Variants in MYO5B observed in about 807,000 individuals in gnomAD.
MYO5B encodes the protein unconventional myosin-Vb.
In MYO5B, 143 loss-of-function variants were observed where a neutral mutation model predicts 229.3. The ratio of observed to expected loss-of-function variants is 0.62; its 90% CI spans 0.54 to 0.72. MYO5B has a LOEUF of 0.72. Among genes scored for constraint, MYO5B ranks in the 30% least tolerant of loss-of-function variants. The pLI is 0.00. For missense variants in MYO5B, 2,321 were observed against 2,331.0 expected, an observed-to-expected ratio of 1.00 and a Z score of 0.09; for synonymous variants, 918 against 885.2, an observed-to-expected ratio of 1.04 and a Z score of -0.66.
At chr18:49,985,219 G>A (rs918811740) in intron 7 of MYO5B, among the ~76,000 whole-genome samples, 3 of 152,146 alleles carry the variant, frequency 2.0e-5, no homozygotes, top group African/African-American at 7.2e-5. Flanking sequence ...ATCTCAGTCC[G>A]ACAAGCTCAT....
At chr18:50,194,722 C>G (rs1036014613) in intron 1 of MYO5B, 45 bp downstream of exon 1, 3 of 1,373,306 alleles carry the variant, frequency 2.2e-6, no homozygotes, top group African/African-American at 3.0e-5. Context: ...TGGCCCCGAG[C>G]GCGCCACCCC....
At chr18:50,062,289 G>A (rs2030706268) in intron 1 of MYO5B, among the ~76,000 whole-genome samples, 1 of 152,204 alleles carries the variant, frequency 6.6e-6, no homozygotes, top group African/African-American at 2.4e-5. Flanking sequence ...CGGAAGCAGG[G>A]CAGTCTGGGC....
At chr18:50,054,698 T>C (rs571546294) in intron 2 of MYO5B, among the ~76,000 whole-genome samples, 1 of 152,292 alleles carries the variant, frequency 6.6e-6, no homozygotes, top group East Asian at 1.9e-4. Flanking sequence ...AAATAAAAAA[T>C]GCTCACTACA....
At chr18:50,104,288 A>ATATATATATATATATATATATATATC (rs1031683380) in intron 1 of MYO5B, among the ~76,000 whole-genome samples, 1 of 144,750 alleles carries the variant, frequency 6.9e-6, no homozygotes, top group African/African-American at 2.6e-5. Context: ...ATATATATAT[A>ATATATATATATATATATATATATATC]TATCTCATAA....
intron 4 of MYO5B, among the ~76,000 whole-genome samples, chr18:50,001,950 C>T (rs1358907912): frequency 2.7e-5 from 4 of 150,204 alleles, no homozygotes; most frequent in East Asian, 2.0e-4. Flanking sequence ...GCAGAAGGAT[C>T]GCTTGAACCG....
At chr18:49,874,265 A>C (rs1436095041) in intron 26 of MYO5B, among the ~76,000 whole-genome samples, 1 of 152,226 alleles carries the variant, frequency 6.6e-6, no homozygotes, top group Non-Finnish European at 1.5e-5. Context: ...TATCCAGAGA[A>C]GTTCTAAAGC....
At chr18:49,929,317 G>C (rs1056007489) in intron 17 of MYO5B, among the ~76,000 whole-genome samples, 195 bp downstream of exon 17, 1 of 152,166 alleles carries the variant, frequency 6.6e-6, no homozygotes, top group Non-Finnish European at 1.5e-5. Context: ...AAGAGGATGT[G>C]ACTGCTAACC....
intron 1 of MYO5B, among the ~76,000 whole-genome samples, chr18:50,077,820 C>T (rs1289867481): frequency 6.6e-6 from 1 of 152,186 alleles, no homozygotes; most frequent in Non-Finnish European, 1.5e-5. Flanking sequence ...AACCCAGGGA[C>T]AAGACACCCT....
At chr18:50,059,436 A>G (rs2030633239) in intron 1 of MYO5B, among the ~76,000 whole-genome samples, 1 of 152,226 alleles carries the variant, frequency 6.6e-6, no homozygotes, top group Non-Finnish European at 1.5e-5. Flanking sequence ...GAGAGAGGGG[A>G]AAACAAGTTA....
chr18:49,854,715 C>T (rs1221624929), intron 30 of MYO5B, among the ~76,000 whole-genome samples: 36 of 152,206 alleles, frequency 2.4e-4, no homozygotes. Flanking sequence ...GCCTCTAACA[C>T]AGCTGTTGGA....
chr18:49,860,907 G>A (rs570254115), intron 29 of MYO5B, among the ~76,000 whole-genome samples: 29 of 152,362 alleles, frequency 1.9e-4, no homozygotes, highest in Non-Finnish European at 3.8e-4. Flanking sequence ...TGGCCCTCAT[G>A]GTAATGGGAA....
At chr18:50,027,486 G>A (rs1406651424) in intron 4 of MYO5B, among the ~76,000 whole-genome samples, 2 of 152,170 alleles carry the variant, frequency 1.3e-5, no homozygotes, top group South Asian at 2.1e-4. Flanking sequence ...TTAAGTGAAG[G>A]AGCTTGACCC....
At chr18:49,993,539 T>C (rs918281505) in intron 5 of MYO5B, among the ~76,000 whole-genome samples, 8 of 152,150 alleles carry the variant, frequency 5.3e-5, no homozygotes, top group Non-Finnish European at 7.3e-5. Context: ...CGCTGAGTTA[T>C]ACAACCACCC....
chr18:50,188,785 T>TTAA (rs2033185496), intron 1 of MYO5B, among the ~76,000 whole-genome samples: 1 of 105,100 alleles, frequency 9.5e-6, no homozygotes, highest in Non-Finnish European at 1.9e-5. Context: ...GACTCTGTCA[T>TTAA]AAAAAAAAAA....
At chr18:50,173,980 G>T (rs573593999) in intron 1 of MYO5B, among the ~76,000 whole-genome samples, 11 of 152,130 alleles carry the variant, frequency 7.2e-5, no homozygotes, top group Non-Finnish European at 1.6e-4. Context: ...ATTGGCATTG[G>T]AATCAGACTG....
In MYO5B at chr18:49,980,377, T is replaced by C; in HGVS notation, c.1056+67A>G. The stretch of plus-strand genomic sequence containing the variant: ...AGTGTCCTCTAACTGGAAAGACACA[T>C]TTCAGTCATATCAAAGAACAGGGTA... On this transcript the variant is annotated intron_variant, in intron 9 of 39. Transcript: ENST00000285039. 4 of 1,127,720 alleles carry C rather than the reference T, an allele frequency of 3.5e-6. No homozygotes were observed. In the South Asian group the frequency reaches 3.7e-5, roughly 10 times the overall value. The allele number at this position is 1,127,720 out of a possible 1,614,324, so 69.9% of individuals were successfully genotyped here.
At chr18:50,094,592 T>TG (rs1476308947) in intron 1 of MYO5B, among the ~76,000 whole-genome samples, 6 of 152,090 alleles carry the variant, frequency 3.9e-5, no homozygotes, top group African/African-American at 1.2e-4. Context: ...AAATGACCCT[T>TG]GAGCTACACT....
chr18:50,145,964 T>G (rs1488341954), intron 1 of MYO5B, among the ~76,000 whole-genome samples: 1 of 152,220 alleles, frequency 6.6e-6, no homozygotes, highest in Admixed American at 6.5e-5. Context: ...CATTTCGAAG[T>G]ATTTGTTTTA....
At chr18:49,963,115 T>C (rs1409763560) in intron 10 of MYO5B, 85 bp from the exon 11 acceptor site, 25 of 1,040,190 alleles carry the variant, frequency 2.4e-5, no homozygotes, top group Non-Finnish European at 3.5e-5. Context: ...CTGACCCAGG[T>C]CTCCCCCGAT....
Sources: gnomAD v4.1 joint callset for allele counts (sites outside exome capture counted in the v4.1 genomes callset) on GRCh38, gnomAD v4.1.1 for gene constraint, MANE v1.5 for transcripts, NCBI Gene and HGNC (gene_info 2026-07-23, HGNC 2026-07-21) for gene names.